CSMD1: variants seen among roughly 807,000 people sequenced by gnomAD.
CSMD1 encodes the protein CUB and Sushi multiple domains 1.
A neutral mutation model predicts 417.5 loss-of-function variants in CSMD1; 213 were observed. The ratio of observed to expected loss-of-function variants is 0.51; its 90% CI spans 0.46 to 0.57. CSMD1 has a LOEUF of 0.57. Ranked by LOEUF, CSMD1 falls within the 20% of genes least tolerant of loss-of-function variation. CSMD1 has a pLI of 0.00. For missense variants in CSMD1, 6,923 were observed against 4,529.7 expected (o/e 1.53, Z -15.17); for synonymous variants, 2,862 against 1,736.8 (o/e 1.65, Z -16.11).
chr8:3,508,374 G>A (rs1157512677), intron 10 of CSMD1, among the ~76,000 whole-genome samples: 2 of 151,464 alleles, frequency 1.3e-5, no homozygotes, highest in East Asian at 2.0e-4. Flanking sequence ...GGGGGAGGGG[G>A]GAGGGATAGC....
intron 3 of CSMD1, among the ~76,000 whole-genome samples, chr8:4,043,683 T>A (rs1798006781): frequency 6.6e-6 from 1 of 152,190 alleles, no homozygotes; most frequent in African/African-American, 2.4e-5. Flanking sequence ...TACATTTATT[T>A]CAGTGTTCTG....
chr8:3,792,627 G>C (rs1024250873), intron 5 of CSMD1, among the ~76,000 whole-genome samples: 1 of 152,078 alleles, frequency 6.6e-6, no homozygotes, highest in Non-Finnish European at 1.5e-5. Context: ...AATCATGACA[G>C]GCAGTAAGTT....
chr8:3,072,979 C>G (rs572723998), intron 49 of CSMD1, among the ~76,000 whole-genome samples: 2 of 152,286 alleles, frequency 1.3e-5, no homozygotes, highest in South Asian at 4.2e-4. Flanking sequence ...GTCAACTCTT[C>G]TCCTAATGAA....
intron 7 of CSMD1, among the ~76,000 whole-genome samples, chr8:3,666,230 C>T (rs182863999): frequency 1.3e-5 from 2 of 152,076 alleles, no homozygotes; most frequent in East Asian, 1.9e-4. Flanking sequence ...TTCCCCACCA[C>T]ACTGGTGAGA....
chr8:3,358,353 T>C (rs1808933835), intron 21 of CSMD1, among the ~76,000 whole-genome samples: 1 of 152,234 alleles, frequency 6.6e-6, no homozygotes, highest in Admixed American at 6.5e-5. Context: ...CAGAATATGC[T>C]GAGCAACATG....
chr8:3,334,052 A>T (rs1203092853), intron 23 of CSMD1, among the ~76,000 whole-genome samples: 1 of 152,180 alleles, frequency 6.6e-6, no homozygotes, highest in African/African-American at 2.4e-5. Context: ...TATCTTACTC[A>T]TAGCCAGGGA....
intron 27 of CSMD1, among the ~76,000 whole-genome samples, chr8:3,228,995 G>C (rs1018800839): frequency 6.6e-6 from 1 of 152,064 alleles, no homozygotes; most frequent in South Asian, 2.1e-4. Context: ...ATTGCTCCCC[G>C]ACAAGGCTGA....
chr8:4,010,561 G>C (rs1371854133), intron 4 of CSMD1, among the ~76,000 whole-genome samples: 1 of 151,914 alleles, frequency 6.6e-6, no homozygotes, highest in Non-Finnish European at 1.5e-5. Context: ...CTACCAGTAA[G>C]GCATCAGTTT....
intron 3 of CSMD1, among the ~76,000 whole-genome samples, chr8:4,115,040 T>C (rs368305130): frequency 2.0e-5 from 3 of 152,194 alleles, no homozygotes; most frequent in Non-Finnish European, 4.4e-5. Context: ...AAAGAATTGA[T>C]TCAAATTTTG....
At chr8:2,950,705 C>A (rs985287738) in intron 66 of CSMD1, among the ~76,000 whole-genome samples, 15 of 152,092 alleles carry the variant, frequency 9.9e-5, no homozygotes, top group African/African-American at 3.6e-4. Flanking sequence ...AATGATAATA[C>A]ACATACAGTG....
intron 4 of CSMD1, among the ~76,000 whole-genome samples, chr8:4,004,325 T>C: frequency 6.6e-6 from 1 of 151,898 alleles, no homozygotes. Context: ...GTGTAGAACT[T>C]TATGTGTTTC....
chr8:2,998,702 T>A (rs553144312), intron 53 of CSMD1, among the ~76,000 whole-genome samples: 1 of 152,328 alleles, frequency 6.6e-6, no homozygotes, highest in African/African-American at 2.4e-5. Context: ...AGCTCCTATT[T>A]TTGTTGAGAA....
chr8:3,156,473 T>C (rs921703238), intron 39 of CSMD1, among the ~76,000 whole-genome samples: 1 of 152,070 alleles, frequency 6.6e-6, no homozygotes, highest in African/African-American at 2.4e-5. Flanking sequence ...GAAGGGCAAA[T>C]TAAAGAGCAA....
At chr8:3,832,374 C>G (rs1288889509) in intron 5 of CSMD1, among the ~76,000 whole-genome samples, 6 of 152,132 alleles carry the variant, frequency 3.9e-5, no homozygotes, top group African/African-American at 1.4e-4. Context: ...TTAGTTTTTT[C>G]TGGTGACATT....
At chr8:4,688,537 A>G (rs943192008) in intron 1 of CSMD1, among the ~76,000 whole-genome samples, 1 of 152,192 alleles carries the variant, frequency 6.6e-6, no homozygotes, top group Non-Finnish European at 1.5e-5. Flanking sequence ...AAATTCTCCA[A>G]AATGGCTCTT....
intron 10 of CSMD1, among the ~76,000 whole-genome samples, chr8:3,561,593 T>C (rs536951813): frequency 6.6e-6 from 1 of 152,080 alleles, no homozygotes; most frequent in Non-Finnish European, 1.5e-5. Context: ...GAGATAAGGA[T>C]GGCAACAACA....
chr8:3,673,397 A>G (rs2117550554), intron 7 of CSMD1, among the ~76,000 whole-genome samples: 1 of 152,336 alleles, frequency 6.6e-6, no homozygotes. Flanking sequence ...TATGGAGATG[A>G]AAGTATTTGA....
chr8:3,600,317 T>G (rs1464726794), intron 8 of CSMD1, among the ~76,000 whole-genome samples: 1 of 152,200 alleles, frequency 6.6e-6, no homozygotes, highest in African/African-American at 2.4e-5. Context: ...TTAATGCTGT[T>G]GAAGGGTGGA....
intron 3 of CSMD1, among the ~76,000 whole-genome samples, chr8:4,220,022 T>C (rs1275611331): frequency 6.6e-6 from 1 of 152,144 alleles, no homozygotes; most frequent in African/African-American, 2.4e-5. Flanking sequence ...CGATCTAGGC[T>C]GACTACAACC....
Sources: gnomAD v4.1 joint callset for allele counts (sites outside exome capture counted in the v4.1 genomes callset) on GRCh38, gnomAD v4.1.1 for gene constraint, MANE v1.5 for transcripts, NCBI Gene and HGNC (gene_info 2026-07-23, HGNC 2026-07-21) for gene names.